Variants in C10orf90 observed in about 807,000 individuals in gnomAD.
The protein encoded by C10orf90 is (E2-independent) E3 ubiquitin-conjugating enzyme FATS.
C10orf90 carries 56 observed loss-of-function variants against 62.5 expected under a neutral mutation model. That is an observed-to-expected ratio of 0.90 (90% CI 0.72 to 1.12). The LOEUF is 1.12. Among genes scored for constraint, C10orf90 ranks in the 50% most tolerant of loss-of-function variants. The probability of loss-of-function intolerance (pLI) is 0.00; values close to 1 mark genes in which losing one functional copy is unlikely to be tolerated. For synonymous variants in C10orf90, 386 were observed against 340.4 expected (o/e 1.13, Z -1.47); for missense variants, 970 against 880.4 (o/e 1.10, Z -1.29).
intron 2 of C10orf90, among the ~76,000 whole-genome samples, chr10:126,545,897 A>G (rs963353773): frequency 3.3e-5 from 5 of 152,172 alleles, no homozygotes; most frequent in African/African-American, 1.2e-4. Flanking sequence ...TCTGGATGCT[A>G]TATATAAAAT....
intron 2 of C10orf90, among the ~76,000 whole-genome samples, chr10:126,573,654 C>T (rs756049153): frequency 1.2e-4 from 19 of 152,250 alleles, no homozygotes; most frequent in Non-Finnish European, 2.8e-4. Context: ...TTGAATGCTG[C>T]GCACACCTCC....
At chr10:126,427,224 C>T (rs1197712399) in intron 8 of C10orf90, among the ~76,000 whole-genome samples, 3 of 152,190 alleles carry the variant, frequency 2.0e-5, no homozygotes, top group Non-Finnish European at 4.4e-5. Flanking sequence ...CACATAATTG[C>T]CACATTCAGG....
intron 2 of C10orf90, among the ~76,000 whole-genome samples, chr10:126,586,853 C>G (rs1010350880): frequency 6.6e-6 from 1 of 152,098 alleles, no homozygotes; most frequent in Non-Finnish European, 1.5e-5. Context: ...CACTGCTCCC[C>G]GCACCCCCCA....
At chr10:126,429,015 C>T (rs924897751) in intron 8 of C10orf90, among the ~76,000 whole-genome samples, 2 of 152,022 alleles carry the variant, frequency 1.3e-5, no homozygotes, top group Non-Finnish European at 2.9e-5. Context: ...AAGTATTCTC[C>T]CTATTTCAAT....
intron 2 of C10orf90, among the ~76,000 whole-genome samples, chr10:126,522,105 C>T (rs1334986434): frequency 2.0e-5 from 3 of 152,012 alleles, no homozygotes; most frequent in African/African-American, 7.2e-5. Context: ...CCCATCTCTA[C>T]TAAAAGTACA....
chr10:126,566,299 G>A (rs7083013), intron 2 of C10orf90, among the ~76,000 whole-genome samples: 5,217 of 152,272 alleles, frequency 0.034, 175 homozygotes, highest in African/African-American at 0.086. Flanking sequence ...CAAAGTAAGC[G>A]AATATTCATT....
intron 6 of C10orf90, among the ~76,000 whole-genome samples, chr10:126,460,833 C>T (rs893656693): frequency 2.6e-5 from 4 of 152,164 alleles, no homozygotes; most frequent in African/African-American, 9.7e-5. Flanking sequence ...CTGTGCAATA[C>T]AGTTAGCAGA....
At position 126,459,026 on chromosome 10, in the gene C10orf90, C is replaced by A; in HGVS notation, c.2188+14G>T. ...CTGGTCTTTTCCAGTCTCCACAAGCCACCTGCAGCTTACCACTCAGAGGAT... is the reference window on the plus strand; with the variant it reads ...CTGGTCTTTTCCAGTCTCCACAAGCAACCTGCAGCTTACCACTCAGAGGAT... On this transcript the variant is annotated intron_variant, in intron 7 of 9. Coordinates refer to ENST00000488181, the MANE Select transcript of C10orf90 (RefSeq NM_001350921.2). 1.2e-6 allele frequency: 2 copies of A among 1,607,484 alleles called. No individual in the cohort carries two copies. The highest frequency in any genetic ancestry group is 1.1e-5 in the South Asian group (1 of 90,626).
Position 126,670,653 on chromosome 10 carries a change from A to AGGATGT in C10orf90, c.-179_-174dup, listed in dbSNP as rs1846731713. ...CTCAATATCCCAGCTACATTTGTGA[A>AGGATGT]GGATGTGGATGTGGGAACCTCAGGG... On this transcript the variant is annotated 5_prime_UTR_variant, in exon 1 of 10. Coordinates refer to ENST00000488181, the MANE Select transcript of C10orf90 (RefSeq NM_001350921.2). Among the ~76,000 whole-genome samples, 2 of 142,456 alleles carry AGGATGT rather than the reference A, an allele frequency of 1.4e-5. No homozygotes were observed. The highest frequency in any genetic ancestry group is 3.0e-5 in the Non-Finnish European group (2 of 66,506). The allele number at this position is 142,456 out of a possible 152,430, so 93.5% of individuals were successfully genotyped here. A position where few individuals can be genotyped will look rare whatever the true frequency, so the allele number is the denominator to read the frequency against.
rs75516938 is a variant in C10orf90, at chr10:126,535,863, C to G, written c.314-21924G>C. Among the ~76,000 whole-genome samples the G allele has an allele frequency of 3.7e-3, 568 of 152,286 alleles. 3 individuals carry two copies. Among genetic ancestry groups the G allele is most frequent in the African/African-American group, 0.013 (540 of 41,540 alleles). The stretch of plus-strand genomic sequence containing the variant: ...CCTGCACTTCCAGCTCAGGCCCACG[C>G]TAGGAGTGCGCACTGGAATCCCTGC... On this transcript the variant is annotated intron_variant, in intron 2 of 9. Coordinates refer to ENST00000488181, the MANE Select transcript of C10orf90 (RefSeq NM_001350921.2).
At chr10:126,503,936 G>C (rs1862547013) in intron 4 of C10orf90, 21 bp downstream of exon 4, 1 of 1,591,064 alleles carries the variant, frequency 6.3e-7, no homozygotes. Context: ...TCACCCTCCT[G>C]CAGATGGACG....
intron 1 of C10orf90, among the ~76,000 whole-genome samples, chr10:126,655,147 C>T (rs567288598): frequency 3.9e-5 from 6 of 151,970 alleles, no homozygotes; most frequent in East Asian, 3.9e-4. Flanking sequence ...GGTGAAACCC[C>T]GTCTCTACTA....
At chr10:126,602,171 A>C (rs1173688326) in intron 2 of C10orf90, among the ~76,000 whole-genome samples, 2 of 152,168 alleles carry the variant, frequency 1.3e-5, no homozygotes, top group African/African-American at 4.8e-5. Context: ...AGCCCTTCTG[A>C]TGAATCACAT....
At chr10:126,492,541 A>C (rs1390477556) in intron 4 of C10orf90, among the ~76,000 whole-genome samples, 1 of 152,262 alleles carries the variant, frequency 6.6e-6, no homozygotes, top group East Asian at 1.9e-4. Flanking sequence ...ACCACAGACA[A>C]CATTAAAAAG....
At chr10:126,563,899 C>T (rs532666042) in intron 2 of C10orf90, among the ~76,000 whole-genome samples, 121 of 152,268 alleles carry the variant, frequency 7.9e-4, no homozygotes, top group Non-Finnish European at 7.9e-4. Context: ...GCCATGACCA[C>T]GGAAGCTGAG....
At chr10:126,656,144 A>G (rs1032057623) in intron 1 of C10orf90, among the ~76,000 whole-genome samples, 2 of 152,228 alleles carry the variant, frequency 1.3e-5, no homozygotes, top group African/African-American at 4.8e-5. Context: ...AGTGCTTACC[A>G]AGGGCCAGGC....
intron 4 of C10orf90, among the ~76,000 whole-genome samples, chr10:126,482,488 TTC>T (rs1861219959): frequency 6.6e-6 from 1 of 152,184 alleles, no homozygotes; most frequent in Admixed American, 6.5e-5. Flanking sequence ...CAACTTCACC[TTC>T]TCTCTCTGCA....
At chr10:126,644,333 G>A (rs367988965) in intron 2 of C10orf90, among the ~76,000 whole-genome samples, 30 of 152,308 alleles carry the variant, frequency 2.0e-4, no homozygotes, top group South Asian at 1.4e-3. Context: ...CTGTCTTACC[G>A]TTTTAAACAA....
At chr10:126,575,757 A>T (rs1275278278) in intron 2 of C10orf90, among the ~76,000 whole-genome samples, 2 of 152,062 alleles carry the variant, frequency 1.3e-5, no homozygotes, top group African/African-American at 4.8e-5. Flanking sequence ...AACAATAGAG[A>T]ACCCAGAAAT....
Sources: allele counts gnomAD v4.1 joint callset (sites outside exome capture counted in the v4.1 genomes callset), GRCh38; gene constraint gnomAD v4.1.1; transcripts MANE v1.5; gene names NCBI Gene and HGNC (gene_info 2026-07-23, HGNC 2026-07-21).